The following AFG2A variants were observed in gnomAD, a reference collection of about 807,000 sequenced individuals.
AFG2A encodes the protein AAA ATPase AFG2A.
chr4:122,938,666 C>T, the AFG2A span, among the ~76,000 whole-genome samples: 2 of 152,218 alleles, frequency 1.3e-5, no homozygotes, highest in Non-Finnish European at 2.9e-5. Context: ...TCTCAGCTAA[C>T]TGCAACCTCC....
the AFG2A span, among the ~76,000 whole-genome samples, chr4:123,078,135 T>C: frequency 6.7e-6 from 1 of 148,550 alleles, no homozygotes; most frequent in Non-Finnish European, 1.5e-5. Flanking sequence ...TCTTTTCTGC[T>C]AGATTGTTCC....
chr4:123,134,971 C>T, the AFG2A span, among the ~76,000 whole-genome samples: 4,389 of 152,132 alleles, frequency 0.029, 86 homozygotes, highest in Non-Finnish European at 0.036. Context: ...AAACTATAGG[C>T]CAGTATTCCT....
the AFG2A span, among the ~76,000 whole-genome samples, chr4:123,146,814 A>G: frequency 6.6e-6 from 1 of 152,044 alleles, no homozygotes; most frequent in Non-Finnish European, 1.5e-5. Context: ...TGATTACACT[A>G]CAAGGCAAAG....
chr4:123,144,899 A>G, the AFG2A span, among the ~76,000 whole-genome samples: 15 of 152,192 alleles, frequency 9.9e-5, no homozygotes, highest in Admixed American at 2.6e-4. Context: ...GGACCTGTGG[A>G]AAAGTGGAAC....
the AFG2A span, among the ~76,000 whole-genome samples, chr4:123,133,033 G>T: frequency 2.6e-5 from 4 of 152,142 alleles, no homozygotes; most frequent in Non-Finnish European, 5.9e-5. Flanking sequence ...GCCCGCCTAG[G>T]CCTCCCAAAG....
the AFG2A span, among the ~76,000 whole-genome samples, chr4:123,003,770 T>C: frequency 6.6e-6 from 1 of 152,094 alleles, no homozygotes; most frequent in African/African-American, 2.4e-5. Context: ...GGGACCCACT[T>C]GAGGAGGCAG....
the AFG2A span, among the ~76,000 whole-genome samples, chr4:122,935,346 C>G: frequency 6.6e-6 from 1 of 152,054 alleles, no homozygotes; most frequent in Non-Finnish European, 1.5e-5. Context: ...CGTATGTACT[C>G]TTCAAGATGG....
chr4:123,087,412 T>C, the AFG2A span, among the ~76,000 whole-genome samples: 1 of 152,192 alleles, frequency 6.6e-6, no homozygotes, highest in Non-Finnish European at 1.5e-5. Context: ...TCTGGGTCAG[T>C]TGGTGTCTAA....
chr4:123,079,171 T>C, the AFG2A span, among the ~76,000 whole-genome samples: 1 of 152,238 alleles, frequency 6.6e-6, no homozygotes, highest in Non-Finnish European at 1.5e-5. Flanking sequence ...TAAATTGAAT[T>C]GAATGAATTG....
chr4:123,203,444 T>A, the AFG2A span, among the ~76,000 whole-genome samples: 1 of 152,224 alleles, frequency 6.6e-6, no homozygotes, highest in Non-Finnish European at 1.5e-5. Flanking sequence ...TGCCTCAGCC[T>A]CCTGAGTAGC....
the AFG2A span, among the ~76,000 whole-genome samples, chr4:123,104,076 T>C: frequency 6.6e-6 from 1 of 152,174 alleles, no homozygotes; most frequent in African/African-American, 2.4e-5. Flanking sequence ...CGTTATATTG[T>C]GGTTTATTGC....
chr4:122,956,704 C>T, the AFG2A span, among the ~76,000 whole-genome samples: 1 of 152,118 alleles, frequency 6.6e-6, no homozygotes. Flanking sequence ...GATCTCGGCT[C>T]ACTGCAAGCT....
At chr4:123,046,108 A>AG in the AFG2A span, among the ~76,000 whole-genome samples, 1 of 151,840 alleles carries the variant, frequency 6.6e-6, no homozygotes, top group East Asian at 1.9e-4. Flanking sequence ...AAAAAAAAAA[A>AG]GAAAGAAAGA....
the AFG2A span, among the ~76,000 whole-genome samples, chr4:123,148,803 C>G: frequency 6.8e-6 from 1 of 146,896 alleles, no homozygotes; most frequent in African/African-American, 2.5e-5. Flanking sequence ...GAGTCTCGCT[C>G]TGTCGACCAG....
At chr4:123,106,507 C>T in the AFG2A span, among the ~76,000 whole-genome samples, 1 of 150,718 alleles carries the variant, frequency 6.6e-6, no homozygotes, top group South Asian at 2.1e-4. Context: ...CCAAACCACC[C>T]TAAAAAAAAT....
the AFG2A span, among the ~76,000 whole-genome samples, chr4:122,929,989 G>A: frequency 1.3e-5 from 2 of 152,128 alleles, no homozygotes; most frequent in Non-Finnish European, 2.9e-5. Context: ...ATTTAGCAGT[G>A]TTTTTCACCT....
the AFG2A span, among the ~76,000 whole-genome samples, chr4:123,059,238 G>A: frequency 2.0e-5 from 3 of 150,048 alleles, no homozygotes; most frequent in East Asian, 5.9e-4. Context: ...ATGCCATACT[G>A]GTGTGCTGCA....
At chr4:123,121,193 G>T in the AFG2A span, among the ~76,000 whole-genome samples, 1 of 150,864 alleles carries the variant, frequency 6.6e-6, no homozygotes, top group Non-Finnish European at 1.5e-5. Context: ...AAATATTTTT[G>T]TGCAGCTGTA....
the AFG2A span, among the ~76,000 whole-genome samples, chr4:122,945,030 G>T: frequency 6.6e-6 from 1 of 152,180 alleles, no homozygotes; most frequent in Admixed American, 6.5e-5. Flanking sequence ...GCCGTGTGAG[G>T]TGTCAGTCTG....
Sources: gnomAD v4.1 joint callset for allele counts (sites outside exome capture counted in the v4.1 genomes callset) on GRCh38, gnomAD v4.1.1 for gene constraint, MANE v1.5 for transcripts, NCBI Gene and HGNC (gene_info 2026-07-23, HGNC 2026-07-21) for gene names.